IQGAP2: variants seen among roughly 807,000 people sequenced by gnomAD.
IQGAP2 encodes ras GTPase-activating-like protein IQGAP2.
Under a neutral mutation model 201.3 loss-of-function variants are expected in IQGAP2, and 173 were observed. The ratio of observed to expected loss-of-function variants is 0.86; its 90% CI spans 0.76 to 0.98. The LOEUF is 0.98. Among genes scored for constraint, IQGAP2 ranks in the 50% least tolerant of loss-of-function variants. The pLI, the probability that IQGAP2 is intolerant of heterozygous loss-of-function variation, is 0.00. For missense variants in IQGAP2, 1,687 were observed against 1,864.8 expected (o/e 0.90, Z 1.76); for synonymous variants, 675 against 673.9 (o/e 1.00, Z -0.03).
chr5:76,688,443 T>C (rs1193707581), intron 30 of IQGAP2, among the ~76,000 whole-genome samples: 1 of 152,220 alleles, frequency 6.6e-6, no homozygotes, highest in Admixed American at 6.5e-5. Flanking sequence ...TCATAATTCT[T>C]ACTCATCAGA....
chr5:76,674,305 G>A (rs1744614152), intron 26 of IQGAP2, among the ~76,000 whole-genome samples, 172 bp from the exon 27 acceptor site: 1 of 151,972 alleles, frequency 6.6e-6, no homozygotes, highest in East Asian at 1.9e-4. Context: ...TATTAATAAT[G>A]TGTGATTATA....
At chr5:76,414,980 A>C (rs1751333280) in intron 1 of IQGAP2, among the ~76,000 whole-genome samples, 1 of 152,238 alleles carries the variant, frequency 6.6e-6, no homozygotes, top group South Asian at 2.1e-4. Flanking sequence ...TCTGCTAAGC[A>C]GGACAAATAA....
At chr5:76,556,514 G>C (rs545673049) in intron 2 of IQGAP2, among the ~76,000 whole-genome samples, 1 of 152,162 alleles carries the variant, frequency 6.6e-6, no homozygotes, top group African/African-American at 2.4e-5. Flanking sequence ...ATCTGCCTGC[G>C]TGATTTCTTC....
intron 1 of IQGAP2, among the ~76,000 whole-genome samples, chr5:76,438,682 A>T (rs1752859573): frequency 6.6e-6 from 1 of 152,098 alleles, no homozygotes; most frequent in Admixed American, 6.5e-5. Context: ...ACTTCAGGTG[A>T]TCTACCCACC....
rs554013223 is a variant in IQGAP2, at chr5:76,697,239, G to A, written c.4207-748G>A. On this transcript the variant is annotated intron_variant, in intron 32 of 35. Transcript: ENST00000274364. ...CCAGTGTTGTTTTTTCAAACCTTGG[G>A]AAATATTTGTCAGATGAAAAAGTTT... Among the ~76,000 whole-genome samples the A allele has an allele frequency of 1.1e-4, 17 of 152,236 alleles. No individual in the cohort carries two copies. In the South Asian group the frequency reaches 2.1e-3, roughly 19 times the overall value.
chr5:76,559,116 T>C (rs747813785), intron 2 of IQGAP2, among the ~76,000 whole-genome samples: 63 of 152,262 alleles, frequency 4.1e-4, no homozygotes, highest in Middle Eastern at 6.8e-3. Context: ...TTAGCCAGGA[T>C]GATCTCTATC....
rs551322930 is a variant in IQGAP2, at chr5:76,642,554, G to A, written c.2094+1451G>A. On this transcript the variant is annotated intron_variant, in intron 17 of 35. Coordinates refer to ENST00000274364, the MANE Select transcript of IQGAP2 (RefSeq NM_006633.5). Reference sequence around the variant, plus strand: ...ATGTGGACCAGAAGTGAATAATACAGTTAATAGGAACCTGCTGACCCATAA... The same window carrying A: ...ATGTGGACCAGAAGTGAATAATACAATTAATAGGAACCTGCTGACCCATAA... 7.2e-5 allele frequency among the ~76,000 whole-genome samples: 11 copies of A among 152,262 alleles called. No homozygotes were observed. The South Asian group carries it at 1.9e-3, about 26-fold the overall frequency.
chr5:76,487,859 T>C (rs1461300314), intron 2 of IQGAP2, among the ~76,000 whole-genome samples: 3 of 152,164 alleles, frequency 2.0e-5, no homozygotes, highest in Non-Finnish European at 4.4e-5. Flanking sequence ...CTCAGACACA[T>C]GGAATATGTC....
intron 21 of IQGAP2, among the ~76,000 whole-genome samples, chr5:76,659,273 G>A (rs972164937): frequency 1.3e-5 from 2 of 152,130 alleles, no homozygotes; most frequent in Non-Finnish European, 2.9e-5. Context: ...TAAGACTAGG[G>A]CCTTTATATG....
chr5:76,515,951 C>T (rs1758293187), intron 2 of IQGAP2, among the ~76,000 whole-genome samples: 1 of 145,590 alleles, frequency 6.9e-6, no homozygotes, highest in South Asian at 2.2e-4. Flanking sequence ...GATCATGGCT[C>T]ACTGCAGCCT....
intron 2 of IQGAP2, among the ~76,000 whole-genome samples, chr5:76,501,613 GCC>G (rs1757276991): frequency 6.9e-6 from 1 of 145,026 alleles, no homozygotes; most frequent in South Asian, 2.2e-4. Context: ...GTTCTAAGCA[GCC>G]CTCCTGCTGC....
chr5:76,477,246 TAGG>T lies in IQGAP2; in HGVS notation c.146+15582_146+15584del, dbSNP rs1440445876. Among the ~76,000 whole-genome samples the T allele has an allele frequency of 2.6e-5, 4 of 151,852 alleles. No homozygotes were observed. The East Asian group carries it at 7.7e-4, about 29-fold the overall frequency. On this transcript the variant is annotated intron_variant, in intron 2 of 35. Coordinates refer to ENST00000274364, the MANE Select transcript of IQGAP2 (RefSeq NM_006633.5). ...GTTTCAGCTACTTGGGAGGCTGAGG[TAGG>T]AGGATCACCTGAGCCTGGGAGGTAG... is the stretch of plus-strand genomic sequence containing the variant.
intron 13 of IQGAP2, among the ~76,000 whole-genome samples, chr5:76,619,931 T>C (rs1025646077): frequency 1.1e-4 from 17 of 152,246 alleles, no homozygotes; most frequent in African/African-American, 4.1e-4. Flanking sequence ...GATTTGAAGA[T>C]GCTATGCTGC....
chr5:76,574,549 G>T (rs547233039), intron 4 of IQGAP2, among the ~76,000 whole-genome samples: 4 of 152,216 alleles, frequency 2.6e-5, no homozygotes, highest in African/African-American at 9.6e-5. Context: ...GATTATGGGC[G>T]TGAGCCACTG....
intron 17 of IQGAP2, among the ~76,000 whole-genome samples, chr5:76,652,535 T>C (rs1752599960): frequency 6.6e-6 from 1 of 152,228 alleles, no homozygotes; most frequent in Middle Eastern, 3.2e-3. Context: ...CTTACTCTGC[T>C]GTCCTAAGCT....
At chr5:76,513,559 A>G (rs1039509767) in intron 2 of IQGAP2, among the ~76,000 whole-genome samples, 6 of 152,252 alleles carry the variant, frequency 3.9e-5, no homozygotes, top group South Asian at 2.1e-4. Context: ...TTGATTTGCC[A>G]CAGTGAAAGA....
chr5:76,530,918 G>A (rs1759253578), intron 2 of IQGAP2, among the ~76,000 whole-genome samples: 1 of 152,200 alleles, frequency 6.6e-6, no homozygotes, highest in South Asian at 2.1e-4. Context: ...ATGGCAGTCA[G>A]ATTTTTACAG....
intron 2 of IQGAP2, among the ~76,000 whole-genome samples, chr5:76,467,487 T>C (rs536321419): frequency 6.6e-6 from 1 of 152,236 alleles, no homozygotes; most frequent in African/African-American, 2.4e-5. Context: ...AGATGGACAA[T>C]AACAAATGTT....
intron 14 of IQGAP2, among the ~76,000 whole-genome samples, chr5:76,630,483 T>C (rs1188091101): frequency 1.3e-5 from 2 of 152,134 alleles, no homozygotes; most frequent in African/African-American, 4.8e-5. Flanking sequence ...AAGATGAGAG[T>C]TGATCCATAA....
Sources: allele counts gnomAD v4.1 joint callset (sites outside exome capture counted in the v4.1 genomes callset), GRCh38; gene constraint gnomAD v4.1.1; transcripts MANE v1.5; gene names NCBI Gene and HGNC (gene_info 2026-07-23, HGNC 2026-07-21).